SLF1: variants seen among roughly 807,000 people sequenced by gnomAD.
SLF1 encodes SMC5-SMC6 complex localization factor protein 1.
Under a neutral mutation model 123.0 loss-of-function variants are expected in SLF1, and 105 were observed. The observed-to-expected ratio is 0.85, with a 90% CI of 0.73 to 1.00. SLF1 has a LOEUF of 1.00. SLF1 is among the 50% of genes least tolerant of loss of function. SLF1 has a pLI of 0.00. For synonymous variants in SLF1, 434 were observed against 406.6 expected (o/e 1.07, Z -0.81); for missense variants, 1,239 against 1,223.0 (o/e 1.01, Z -0.20).
In SLF1 at chr5:94,666,414, AT is replaced by A. The variant is rs202082815; in HGVS notation, c.1532+397del. 5.9e-3 allele frequency among the ~76,000 whole-genome samples: 895 copies of A among 152,224 alleles called. 5 individuals carry two copies. Among genetic ancestry groups the A allele is most frequent in the Middle Eastern group, 0.017 (5 of 294 alleles). ...GTATCTATTTTAGGGCTTCAGTTAT[AT>A]TTTTTTCAGCTAGAAATTTGAATTT... On this transcript the variant is annotated intron_variant, in intron 12 of 20. Coordinates refer to ENST00000265140, the MANE Select transcript of SLF1 (RefSeq NM_032290.4).
intron 16 of SLF1, 24 bp from the exon 17 acceptor site, chr5:94,688,482 T>C: frequency 3.1e-6 from 5 of 1,603,184 alleles, no homozygotes; most frequent in Non-Finnish European, 4.3e-6. Flanking sequence ...GTTGAGAAAA[T>C]AATGCAATAT....
Position 94,651,857 on chromosome 5 carries a change from C to T in SLF1, c.882+12C>T. ...CATATGAAAATCAGGTACAACTTTCCAAATTAAAAATAATTTATTTTTAAT... is the reference window on the plus strand; with the variant it reads ...CATATGAAAATCAGGTACAACTTTCTAAATTAAAAATAATTTATTTTTAAT... On this transcript the variant is annotated intron_variant, in intron 7 of 20. Transcript: ENST00000265140. 2 of 1,311,910 alleles carry T rather than the reference C, an allele frequency of 1.5e-6. No homozygotes were observed. The highest frequency in any genetic ancestry group is 2.0e-6 in the Non-Finnish European group (2 of 987,522). The allele number at this position is 1,311,910 out of a possible 1,614,324, so 81.3% of individuals were successfully genotyped here.
chr5:94,679,284 C>A (rs1452026120), intron 15 of SLF1, among the ~76,000 whole-genome samples: 1 of 152,166 alleles, frequency 6.6e-6, no homozygotes, highest in African/African-American at 2.4e-5. Context: ...CCCCCACATA[C>A]ATTTATTATT....
At chr5:94,679,312 C>A (rs560208147) in intron 15 of SLF1, among the ~76,000 whole-genome samples, 1 of 152,088 alleles carries the variant, frequency 6.6e-6, no homozygotes, top group African/African-American at 2.4e-5. Flanking sequence ...AATTATTTTA[C>A]CTGGTGCAGT....
At position 94,656,949 on chromosome 5, in the gene SLF1, A is replaced by G. The variant is rs150714359; in HGVS notation, c.1155+2197A>G. Among the ~76,000 whole-genome samples the G allele has an allele frequency of 4.5e-3, 675 of 149,472 alleles. 3 individuals are homozygous for G. Among genetic ancestry groups the G allele is most frequent in the African/African-American group, 0.016 (648 of 41,124 alleles). ...TTAACTTATTTGTTTCATTGATCTT[A>G]TGTGTTTTTAAGTCTATTTTGTTTC... On this transcript the variant is annotated intron_variant, in intron 9 of 20. Transcript: ENST00000265140.
chr5:94,691,525 T>A (rs1437533490), intron 18 of SLF1, 39 bp from the exon 19 acceptor site: 1 of 1,535,060 alleles, frequency 6.5e-7, no homozygotes, highest in Non-Finnish European at 8.9e-7. Flanking sequence ...AGTTGATATC[T>A]TGTCTTCTCT....
chr5:94,691,994 G>A (rs1753096696), intron 19 of SLF1, 80 bp from the exon 20 acceptor site: 2 of 1,384,536 alleles, frequency 1.4e-6, no homozygotes, highest in Non-Finnish European at 2.0e-6. Context: ...TCACACTGAT[G>A]AGAAAAGTAG....
intron 9 of SLF1, among the ~76,000 whole-genome samples, chr5:94,655,361 T>C (rs1346546128): frequency 1.3e-5 from 2 of 152,148 alleles, no homozygotes; most frequent in East Asian, 3.8e-4. Flanking sequence ...AGTCAAGTAG[T>C]GTGTGCCTCC....
At chr5:94,666,099 A>T (rs1012165968) in intron 12 of SLF1, 75 bp downstream of exon 12, 1 of 1,292,998 alleles carries the variant, frequency 7.7e-7, no homozygotes, top group Non-Finnish European at 1.0e-6. Context: ...TAAGATACTG[A>T]TGAAAGAAGT....
intron 1 of SLF1, among the ~76,000 whole-genome samples, chr5:94,623,718 A>G (rs1249869292): frequency 2.0e-5 from 3 of 152,060 alleles, no homozygotes. Context: ...ACTTTAAAGG[A>G]TTTTTAATTG....
rs559442515 is a variant in SLF1, at chr5:94,638,001, T to A, written c.432-5272T>A. Among the ~76,000 whole-genome samples, 143 of 152,236 alleles carry A rather than the reference T, an allele frequency of 9.4e-4. 1 individual carries two copies. Among genetic ancestry groups the A allele is most frequent in the South Asian group, 8.1e-3 (39 of 4,816 alleles). Reference sequence around the variant, plus strand: ...AGGATTTGAGGCTGGGCCTGGAGGCTGCCCATCTAGAGATTCCCGCCAGGT... The same window carrying A: ...AGGATTTGAGGCTGGGCCTGGAGGCAGCCCATCTAGAGATTCCCGCCAGGT... On this transcript the variant is annotated intron_variant, in intron 4 of 20. Coordinates refer to ENST00000265140, the MANE Select transcript of SLF1 (RefSeq NM_032290.4).
chr5:94,620,239 T>G (rs1336063807), intron 1 of SLF1: 1 of 152,262 alleles, frequency 6.6e-6, no homozygotes, highest in Non-Finnish European at 1.5e-5. Flanking sequence ...TAAGTCAATT[T>G]TATTGTAAAG....
At chr5:94,648,281 A>G (rs534805225) in intron 5 of SLF1, among the ~76,000 whole-genome samples, 2 of 152,320 alleles carry the variant, frequency 1.3e-5, no homozygotes, top group South Asian at 2.1e-4. Flanking sequence ...TCAATCAGCT[A>G]TTCTCAGGGA....
At chr5:94,672,593 A>G (rs1389316937) in intron 14 of SLF1, among the ~76,000 whole-genome samples, 1 of 151,558 alleles carries the variant, frequency 6.6e-6, no homozygotes, top group African/African-American at 2.4e-5. Context: ...TTCTTTCTTC[A>G]GCTATGTCCA....
At chr5:94,679,364 T>C (rs528969725) in intron 15 of SLF1, among the ~76,000 whole-genome samples, 5 of 152,122 alleles carry the variant, frequency 3.3e-5, no homozygotes, top group African/African-American at 4.8e-5. Flanking sequence ...GAAGCCGAGG[T>C]GGGAGGATCT....
intron 10 of SLF1, among the ~76,000 whole-genome samples, chr5:94,662,827 T>C (rs974177920): frequency 6.6e-6 from 1 of 152,246 alleles, no homozygotes; most frequent in African/African-American, 2.4e-5. Context: ...TTTCCTTGTT[T>C]ATTCTTCTAA....
intron 15 of SLF1, among the ~76,000 whole-genome samples, chr5:94,682,082 G>T (rs1198895769): frequency 6.6e-6 from 1 of 152,114 alleles, no homozygotes; most frequent in Non-Finnish European, 1.5e-5. Flanking sequence ...AAAGAAAAAG[G>T]CTTAAAAACA....
chr5:94,653,248 T>C (rs1390942405), intron 7 of SLF1, 24 bp from the exon 8 acceptor site: 3 of 1,491,326 alleles, frequency 2.0e-6, no homozygotes, highest in Non-Finnish European at 2.7e-6. Flanking sequence ...TGTTGAGATT[T>C]AATTGTGGTC....
chr5:94,680,268 A>G (rs528869962), intron 15 of SLF1, among the ~76,000 whole-genome samples: 42 of 152,318 alleles, frequency 2.8e-4, no homozygotes, highest in African/African-American at 9.4e-4. Context: ...CCAAAGTTAG[A>G]AGATTTTTAT....
Sources: gnomAD v4.1 joint callset for allele counts (sites outside exome capture counted in the v4.1 genomes callset) on GRCh38, gnomAD v4.1.1 for gene constraint, MANE v1.5 for transcripts, NCBI Gene and HGNC (gene_info 2026-07-23, HGNC 2026-07-21) for gene names.